KAZN: variants seen among roughly 807,000 people sequenced by gnomAD.
KAZN encodes the protein kazrin.
KAZN carries 40 observed loss-of-function variants against 87.4 expected under a neutral mutation model. That is an observed-to-expected ratio of 0.46 (90% confidence interval 0.36 to 0.60). The LOEUF is 0.60. Among genes scored for constraint, KAZN ranks in the 20% least tolerant of loss-of-function variants. The pLI, the probability that KAZN is intolerant of heterozygous loss-of-function variation, is 0.00. For synonymous variants in KAZN, 466 were observed against 458.3 expected, an observed-to-expected ratio of 1.02 and a Z score of -0.22; for missense variants, 898 against 1,073.9, an observed-to-expected ratio of 0.84 and a Z score of 2.29.
intron 2 of KAZN, among the ~76,000 whole-genome samples, chr1:14,396,188 CAACA>C (rs2101111904): frequency 6.8e-6 from 1 of 146,040 alleles, no homozygotes; most frequent in African/African-American, 2.5e-5. Context: ...AAAAAAACTG[CAACA>C]AATAAAGCAA....
intron 1 of KAZN, among the ~76,000 whole-genome samples, chr1:14,081,379 T>G (rs561912152): frequency 1.6e-3 from 251 of 152,192 alleles, no homozygotes; most frequent in African/African-American, 5.8e-3. Flanking sequence ...ATGAGCTTGT[T>G]GCATACATTT....
At chr1:14,694,754 G>A (rs1641504364) in intron 1 of KAZN, among the ~76,000 whole-genome samples, 1 of 152,112 alleles carries the variant, frequency 6.6e-6, no homozygotes, top group Non-Finnish European at 1.5e-5. Flanking sequence ...TGTAAAATGG[G>A]GCTAATAATG....
chr1:14,598,680 G>C (rs907811931), upstream of KAZN: 4 of 1,279,700 alleles, frequency 3.1e-6, no homozygotes, highest in Admixed American at 4.4e-5. The surrounding 1 kb of genome is among the most constrained non-coding windows in gnomAD (Gnocchi z 4.2). Flanking sequence ...GTGGCGCGCG[G>C]TGTCCTTCTT....
intron 1 of KAZN, among the ~76,000 whole-genome samples, chr1:14,789,292 A>C (rs559209452): frequency 6.6e-6 from 1 of 152,046 alleles, no homozygotes; most frequent in African/African-American, 2.4e-5. Flanking sequence ...AGGGAAGAAC[A>C]CATGTGATTA....
intron 1 of KAZN, among the ~76,000 whole-genome samples, chr1:14,863,813 T>C (rs1237669119): frequency 1.3e-5 from 2 of 151,540 alleles, no homozygotes; most frequent in East Asian, 1.9e-4. Flanking sequence ...TGAGTCGGAG[T>C]AGGGGCACAG....
At chr1:14,926,394 C>T (rs1413178843) in intron 1 of KAZN, among the ~76,000 whole-genome samples, 2 of 152,132 alleles carry the variant, frequency 1.3e-5, no homozygotes, top group Non-Finnish European at 2.9e-5. Flanking sequence ...ATGCCTGTTT[C>T]CTAGGTCTAG....
At position 15,007,580 on chromosome 1, in the gene KAZN, G is replaced by C. The variant is rs570096420; in HGVS notation, c.419-27169G>C. 1.3e-3 allele frequency among the ~76,000 whole-genome samples: 200 copies of C among 152,350 alleles called. 1 individual carries two copies. Among genetic ancestry groups the C allele is most frequent in the African/African-American group, 4.6e-3 (190 of 41,596 alleles). ...AGGTGGGAGGCTCGGGCCGAGCTCT[G>C]GTGGGACGCAAGGTGGGCTTGGCCA... On this transcript the variant is annotated intron_variant, in intron 2 of 14. Transcript: ENST00000376030.
At chr1:14,595,720 A>AAGAAAGGT (rs1676463851), upstream of KAZN, among the ~76,000 whole-genome samples, 1 of 151,828 alleles carries the variant, frequency 6.6e-6, no homozygotes, top group Admixed American at 6.6e-5. Context: ...AGAAAGAAAA[A>AAGAAAGGT]AGAAAGGTAG....
intron 1 of KAZN, among the ~76,000 whole-genome samples, chr1:14,059,990 G>A (rs1008684334): frequency 6.6e-6 from 1 of 152,104 alleles, no homozygotes; most frequent in African/African-American, 2.4e-5. Context: ...GACACATTTG[G>A]TAGGCAAGTC....
intron 1 of KAZN, among the ~76,000 whole-genome samples, chr1:14,834,002 C>CACACACACAT (rs1553141261): frequency 3.5e-5 from 5 of 142,324 alleles, no homozygotes; most frequent in Non-Finnish European, 6.4e-5. Context: ...CACACACACA[C>CACACACACAT]ACACACATAC....
At chr1:14,403,980 C>T (rs116676197) in intron 2 of KAZN, among the ~76,000 whole-genome samples, 35 of 152,146 alleles carry the variant, frequency 2.3e-4, no homozygotes, top group African/African-American at 7.7e-4. Flanking sequence ...CAGTGAAATG[C>T]GTAAGGTTTT....
intron 1 of KAZN, among the ~76,000 whole-genome samples, chr1:14,751,757 A>C (rs943864350): frequency 1.2e-4 from 18 of 152,118 alleles, no homozygotes; most frequent in African/African-American, 4.3e-4. Flanking sequence ...TTTCTCCTTC[A>C]TGTTTCCAAA....
chr1:13,972,446 T>A (rs1355687591), intron 1 of KAZN, among the ~76,000 whole-genome samples: 1 of 152,144 alleles, frequency 6.6e-6, no homozygotes, highest in Non-Finnish European at 1.5e-5. Flanking sequence ...GGAGTTCCAC[T>A]GTCTGTCAGT....
At chr1:14,024,122 A>G (rs1158635622) in intron 1 of KAZN, among the ~76,000 whole-genome samples, 4 of 152,182 alleles carry the variant, frequency 2.6e-5, no homozygotes, top group Non-Finnish European at 4.4e-5. Context: ...AGGAAATGCA[A>G]ATGGTGCTGA....
At chr1:14,158,336 G>C (rs1217581490) in intron 1 of KAZN, among the ~76,000 whole-genome samples, 1 of 151,640 alleles carries the variant, frequency 6.6e-6, no homozygotes, top group Non-Finnish European at 1.5e-5. Context: ...TTTTCAAATA[G>C]CCTGTCTTGA....
chr1:15,037,223 C>T (rs1207648443), intron 3 of KAZN, among the ~76,000 whole-genome samples: 1 of 152,218 alleles, frequency 6.6e-6, no homozygotes, highest in Non-Finnish European at 1.5e-5. Flanking sequence ...ACCTGGTTAC[C>T]TCTTTTTTAT....
At chr1:13,988,159 C>G (rs999243596) in intron 1 of KAZN, among the ~76,000 whole-genome samples, 3 of 151,988 alleles carry the variant, frequency 2.0e-5, no homozygotes, top group African/African-American at 7.3e-5. Context: ...CAAACCATAA[C>G]AGAAGGAGAC....
intron 1 of KAZN, among the ~76,000 whole-genome samples, chr1:14,150,843 A>G (rs1433442780): frequency 6.6e-6 from 1 of 152,230 alleles, no homozygotes; most frequent in Non-Finnish European, 1.5e-5. Flanking sequence ...ATTTTTAAAT[A>G]ATTGTAATCT....
At chr1:14,536,273 T>G (rs1404224570) in intron 2 of KAZN, among the ~76,000 whole-genome samples, 2 of 152,176 alleles carry the variant, frequency 1.3e-5, no homozygotes. Context: ...TTTCCCTACG[T>G]TTTTATGAGT....
Sources: allele counts gnomAD v4.1 joint callset (sites outside exome capture counted in the v4.1 genomes callset), GRCh38; gene constraint gnomAD v4.1.1; non-coding constraint Gnocchi (gnomAD v3.1); transcripts MANE v1.5; gene names NCBI Gene and HGNC (gene_info 2026-07-23, HGNC 2026-07-21).